The following DTNB variants were observed in gnomAD, a reference collection of about 807,000 sequenced individuals.
The protein encoded by DTNB is dystrobrevin beta, also known as DTN-B.
Under a neutral mutation model 90.7 loss-of-function variants are expected in DTNB, and 63 were observed. The observed-to-expected ratio is 0.69, with a 90% CI of 0.57 to 0.86. The LOEUF (loss-of-function observed/expected upper bound fraction) is 0.86. Ranked by LOEUF, DTNB falls within the 40% of genes least tolerant of loss-of-function variation. The pLI is 0.00. For synonymous variants in DTNB, 277 were observed against 286.7 expected, an observed-to-expected ratio of 0.97 and a Z score of 0.34; for missense variants, 744 against 807.1, an observed-to-expected ratio of 0.92 and a Z score of 0.95.
chr2:25,670,058 C>T (rs1170676946), intron 1 of DTNB, among the ~76,000 whole-genome samples: 5 of 152,164 alleles, frequency 3.3e-5, no homozygotes, highest in Admixed American at 6.5e-5. Flanking sequence ...ACTGCAGCAA[C>T]GGTCCTTAAT....
intron 18 of DTNB, chr2:25,386,027 C>T (rs1253228131): frequency 1.0e-6 from 1 of 985,458 alleles, no homozygotes; most frequent in Non-Finnish European, 1.2e-6. Flanking sequence ...TTCTAATCAC[C>T]TGTGAGGTCA....
At chr2:25,409,288 T>C (rs1006394885) in intron 16 of DTNB, among the ~76,000 whole-genome samples, 15 of 152,166 alleles carry the variant, frequency 9.9e-5, no homozygotes, top group African/African-American at 1.4e-4. Context: ...AGGACCCAAA[T>C]AGATCTCTAT....
chr2:25,478,017 TA>T (rs10601523), intron 10 of DTNB, among the ~76,000 whole-genome samples: 37,017 of 146,040 alleles, frequency 0.25, 4,939 homozygotes, highest in South Asian at 0.32. Flanking sequence ...GTTTTTACTT[TA>T]AAAAAAAAAA....
At chr2:25,663,140 C>T (rs2083612400) in intron 1 of DTNB, among the ~76,000 whole-genome samples, 1 of 152,014 alleles carries the variant, frequency 6.6e-6, no homozygotes, top group Non-Finnish European at 1.5e-5. Context: ...TCAACTCCCA[C>T]TTATGAGTGA....
chr2:25,463,426 G>A (rs961036180), intron 10 of DTNB, among the ~76,000 whole-genome samples: 1 of 152,136 alleles, frequency 6.6e-6, no homozygotes, highest in East Asian at 1.9e-4. Flanking sequence ...CCTCTTGACT[G>A]TGCACTCTTC....
At chr2:25,477,728 T>C (rs908065744) in intron 10 of DTNB, among the ~76,000 whole-genome samples, 3 of 152,170 alleles carry the variant, frequency 2.0e-5, no homozygotes, top group Admixed American at 6.5e-5. Flanking sequence ...AGGTGTGATA[T>C]AATACATAAC....
intron 12 of DTNB, among the ~76,000 whole-genome samples, chr2:25,446,200 T>A (rs2058399607): frequency 6.6e-6 from 1 of 152,030 alleles, no homozygotes. Flanking sequence ...ATTCTTAAGG[T>A]TTTTTCACAA....
intron 12 of DTNB, among the ~76,000 whole-genome samples, chr2:25,447,816 C>T (rs1425012685): frequency 6.6e-6 from 1 of 151,938 alleles, no homozygotes; most frequent in Non-Finnish European, 1.5e-5. Flanking sequence ...GCCTAGTTAT[C>T]TTTTATACAA....
chr2:25,451,514 T>C (rs1455928357), intron 12 of DTNB, 34 bp downstream of exon 12: 2 of 1,573,116 alleles, frequency 1.3e-6, no homozygotes, highest in Admixed American at 3.7e-5. Flanking sequence ...AATGCTAATT[T>C]CTGCTACTCT....
chr2:25,520,589 G>A (rs904412211), intron 9 of DTNB, among the ~76,000 whole-genome samples: 11 of 152,174 alleles, frequency 7.2e-5, no homozygotes, highest in Non-Finnish European at 1.3e-4. Flanking sequence ...TCCTGGTCTG[G>A]TGAATTCTGC....
chr2:25,568,151 C>T lies in DTNB; in HGVS notation c.876+8687G>A, dbSNP rs1205243972. Reference sequence around the variant, plus strand: ...CCAGCCTGGCGACACAGGGAGACTCCGTCTCAAAAAAAAAAAAAAGAGGAA... The same window carrying T: ...CCAGCCTGGCGACACAGGGAGACTCTGTCTCAAAAAAAAAAAAAAGAGGAA... On this transcript the variant is annotated intron_variant, in intron 8 of 20. Transcript: ENST00000406818. Among the ~76,000 whole-genome samples the T allele has an allele frequency of 4.8e-5, 7 of 144,956 alleles. No individual in the cohort carries two copies. The East Asian group carries it at 8.0e-4, about 17-fold the overall frequency.
intron 1 of DTNB, among the ~76,000 whole-genome samples, chr2:25,662,681 A>ACACAAACACACACAC (rs35419647): frequency 1.9e-5 from 2 of 104,530 alleles, no homozygotes; most frequent in Non-Finnish European, 4.0e-5. Context: ...CACACACACA[A>ACACAAACACACACAC]ACACACACAC....
At position 25,637,331 on chromosome 2, in the gene DTNB, T is replaced by A. The variant is rs189096199; in HGVS notation, c.148+1683A>T. The stretch of plus-strand genomic sequence containing the variant: ...TTCATGTCTAAAACACCAAAAGCAA[T>A]GGCAACAAAATCCAAAATTGACAAA... On this transcript the variant is annotated intron_variant, in intron 3 of 20. Coordinates refer to ENST00000406818, the MANE Select transcript of DTNB (RefSeq NM_021907.5). Among the ~76,000 whole-genome samples, 780 of 152,212 alleles carry A rather than the reference T, an allele frequency of 5.1e-3. 5 individuals are homozygous for A. Among genetic ancestry groups the A allele is most frequent in the African/African-American group, 0.018 (734 of 41,500 alleles).
intron 9 of DTNB, among the ~76,000 whole-genome samples, chr2:25,523,238 C>T (rs1307061352): frequency 1.3e-5 from 2 of 152,164 alleles, no homozygotes; most frequent in Non-Finnish European, 2.9e-5. Context: ...TTTGCAAATG[C>T]ACAAAGTACT....
intron 1 of DTNB, among the ~76,000 whole-genome samples, chr2:25,662,683 C>CACACACACACACACACACAA: frequency 2.0e-5 from 2 of 101,698 alleles, no homozygotes; most frequent in Non-Finnish European, 2.2e-5. Flanking sequence ...CACACACAAA[C>CACACACACACACACACACAA]ACACACACAC....
rs186974921 is a variant in DTNB, at chr2:25,603,955, A to T, written c.448+3281T>A. 2.8e-4 allele frequency among the ~76,000 whole-genome samples: 43 copies of T among 152,334 alleles called. 1 individual carries two copies. The highest frequency in any genetic ancestry group is 1.0e-4 in the Non-Finnish European group (7 of 68,034). On this transcript the variant is annotated intron_variant, in intron 5 of 20. Coordinates refer to ENST00000406818, the MANE Select transcript of DTNB (RefSeq NM_021907.5). ...AAAACAAGGAGGGAAAGGTTCTGAA[A>T]ATAGCCAAAGCTAACAATCATACTA...
At chr2:25,477,120 T>C (rs1159784368) in intron 10 of DTNB, among the ~76,000 whole-genome samples, 1 of 152,258 alleles carries the variant, frequency 6.6e-6, no homozygotes, top group Non-Finnish European at 1.5e-5. Context: ...AAGTCTCAGA[T>C]GATCATTAGC....
chr2:25,401,865 C>T (rs1252033056), intron 16 of DTNB, among the ~76,000 whole-genome samples: 1 of 152,226 alleles, frequency 6.6e-6, no homozygotes, highest in East Asian at 1.9e-4. Flanking sequence ...GGACACCTGC[C>T]AGGTAGCAGA....
chr2:25,542,192 G>A (rs1436375561), intron 8 of DTNB, among the ~76,000 whole-genome samples: 2 of 152,152 alleles, frequency 1.3e-5, no homozygotes, highest in African/African-American at 4.8e-5. Context: ...TTGGCTCGCT[G>A]CAACCTCCAC....
Sources: allele counts gnomAD v4.1 joint callset (sites outside exome capture counted in the v4.1 genomes callset), GRCh38; gene constraint gnomAD v4.1.1; transcripts MANE v1.5; gene names NCBI Gene and HGNC (gene_info 2026-07-23, HGNC 2026-07-21).